PDE1C: variants seen among roughly 807,000 people sequenced by gnomAD.
PDE1C encodes the protein phosphodiesterase 1C.
Under a neutral mutation model 93.1 loss-of-function variants are expected in PDE1C, and 62 were observed. That is an observed-to-expected ratio of 0.67 (90% CI 0.54 to 0.82). The LOEUF is 0.82. PDE1C is among the 40% of genes least tolerant of loss of function. The pLI, the probability that PDE1C is intolerant of heterozygous loss-of-function variation, is 0.00. For synonymous variants in PDE1C, 325 were observed against 310.1 expected (o/e 1.05, Z -0.50); for missense variants, 742 against 884.6 (o/e 0.84, Z 2.04).
chr7:32,296,549 C>A (rs1812614818), intron 1 of PDE1C, among the ~76,000 whole-genome samples: 1 of 152,180 alleles, frequency 6.6e-6, no homozygotes, highest in Non-Finnish European at 1.5e-5. Flanking sequence ...TGGCAGCTAT[C>A]TCACTTGGAA....
chr7:31,673,100 T>C, the PDE1C span, among the ~76,000 whole-genome samples: 2 of 152,110 alleles, frequency 1.3e-5, no homozygotes, highest in African/African-American at 4.8e-5. Context: ...CTTCCTAAAT[T>C]ATCCAGTCTC....
chr7:32,329,525 A>G (rs531949855), intron 1 of PDE1C, among the ~76,000 whole-genome samples: 4 of 152,230 alleles, frequency 2.6e-5, no homozygotes, highest in African/African-American at 9.6e-5. Flanking sequence ...ATGTAGGTTT[A>G]CCTTTTCCAC....
At chr7:31,672,726 C>T in the PDE1C span, among the ~76,000 whole-genome samples, 1 of 152,148 alleles carries the variant, frequency 6.6e-6, no homozygotes, top group African/African-American at 2.4e-5. Context: ...CATCATCACT[C>T]CTCTTTGTCA....
chr7:32,122,104 A>G (rs1222845528), intron 3 of PDE1C, among the ~76,000 whole-genome samples: 5 of 152,354 alleles, frequency 3.3e-5, no homozygotes, highest in African/African-American at 9.6e-5. Flanking sequence ...TTAAACCAAC[A>G]AAGATCAAAA....
the PDE1C span, among the ~76,000 whole-genome samples, chr7:31,693,449 A>G: frequency 5.9e-5 from 9 of 152,218 alleles, no homozygotes; most frequent in Admixed American, 5.9e-4. Flanking sequence ...ATTAAGATAC[A>G]TAGTCCCAAG....
At chr7:32,022,350 A>G (rs1253135579) in intron 2 of PDE1C, among the ~76,000 whole-genome samples, 1 of 152,126 alleles carries the variant, frequency 6.6e-6, no homozygotes, top group Non-Finnish European at 1.5e-5. Flanking sequence ...ATGTTGGAGG[A>G]AATCCGAAGA....
At chr7:31,781,835 G>A (rs1048690207) in intron 16 of PDE1C, among the ~76,000 whole-genome samples, 2 of 152,012 alleles carry the variant, frequency 1.3e-5, no homozygotes, top group Non-Finnish European at 2.9e-5. Context: ...ATTTGAATAT[G>A]TCTGTTCATC....
intron 3 of PDE1C, among the ~76,000 whole-genome samples, chr7:32,158,699 C>G (rs1801725081): frequency 6.6e-6 from 1 of 152,172 alleles, no homozygotes; most frequent in African/African-American, 2.4e-5. Context: ...CATTTCGATG[C>G]TACGTGTGCA....
the PDE1C span, chr7:31,707,052 C>A: frequency 1.7e-6 from 1 of 600,034 alleles, no homozygotes. Context: ...AGCCACCCAG[C>A]TCCTTCTCTG....
At chr7:31,847,576 T>C (rs915360787) in intron 9 of PDE1C, among the ~76,000 whole-genome samples, 1 of 152,016 alleles carries the variant, frequency 6.6e-6, no homozygotes, top group Non-Finnish European at 1.5e-5. Context: ...ATATCCAAAG[T>C]GTCCTCAGTT....
intron 1 of PDE1C, among the ~76,000 whole-genome samples, chr7:32,264,593 T>C (rs10264625): frequency 0.12 from 17,825 of 152,212 alleles, 1,196 homozygotes; most frequent in African/African-American, 0.16. Flanking sequence ...ATGGGAGACA[T>C]CATGCAGGAA....
the PDE1C span, among the ~76,000 whole-genome samples, chr7:31,709,696 G>GT: frequency 5.3e-5 from 8 of 152,160 alleles, no homozygotes; most frequent in African/African-American, 1.9e-4. Flanking sequence ...ATATCACTGG[G>GT]TGACTTGGGT....
the PDE1C span, among the ~76,000 whole-genome samples, chr7:31,640,642 C>CT: frequency 5.0e-3 from 730 of 147,182 alleles, 3 homozygotes; most frequent in South Asian, 0.021. Context: ...TCTCGAAAAA[C>CT]TTTTTTTTTT....
intron 5 of PDE1C, among the ~76,000 whole-genome samples, chr7:31,875,527 T>C (rs1286726500): frequency 6.6e-6 from 1 of 151,928 alleles, no homozygotes; most frequent in African/African-American, 2.4e-5. Flanking sequence ...GTACCCAGTT[T>C]AACTGCCTTC....
chr7:32,387,782 A>G (rs1399695282), intron 1 of PDE1C, among the ~76,000 whole-genome samples: 1 of 140,222 alleles, frequency 7.1e-6, no homozygotes, highest in Admixed American at 6.9e-5. Flanking sequence ...CACCTCCCGG[A>G]CGGGGCGGCT....
At chr7:32,426,940 T>C (rs1279120412) in intron 1 of PDE1C, among the ~76,000 whole-genome samples, 2 of 152,182 alleles carry the variant, frequency 1.3e-5, no homozygotes, top group African/African-American at 2.4e-5. Context: ...AGGATTCATG[T>C]ATGAGACCAA....
At chr7:31,829,713 AC>A (rs1032166350) in intron 11 of PDE1C, among the ~76,000 whole-genome samples, 49 of 152,168 alleles carry the variant, frequency 3.2e-4, no homozygotes, top group African/African-American at 1.1e-3. Flanking sequence ...CTATATAGAC[AC>A]CCCAGCGGAC....
chr7:32,336,696 T>C (rs1358920260), intron 1 of PDE1C, among the ~76,000 whole-genome samples: 1 of 152,202 alleles, frequency 6.6e-6, no homozygotes, highest in African/African-American at 2.4e-5. Context: ...GATCTTAAAA[T>C]AGTCTTTAGC....
At chr7:32,026,304 T>C (rs1204990826) in intron 2 of PDE1C, among the ~76,000 whole-genome samples, 1 of 152,154 alleles carries the variant, frequency 6.6e-6, no homozygotes, top group South Asian at 2.1e-4. Context: ...TAGTTTTAGA[T>C]GAAATGCTGG....
Sources: allele counts gnomAD v4.1 joint callset (sites outside exome capture counted in the v4.1 genomes callset), GRCh38; gene constraint gnomAD v4.1.1; transcripts MANE v1.5; gene names NCBI Gene and HGNC (gene_info 2026-07-23, HGNC 2026-07-21).